USP18: variants seen among roughly 807,000 people sequenced by gnomAD.
USP18 encodes ubl carboxyl-terminal hydrolase 18.
In USP18, 11 loss-of-function variants were observed where a neutral mutation model predicts 48.7. The ratio of observed to expected loss-of-function variants is 0.23; its 90% CI spans 0.14 to 0.37. USP18 has a LOEUF of 0.37. Among genes scored for constraint, USP18 ranks in the 10% least tolerant of loss-of-function variants. USP18 has a pLI of 1.00. For synonymous variants in USP18, 114 were observed against 163.2 expected (o/e 0.70, Z 2.30); for missense variants, 285 against 436.4 (o/e 0.65, Z 3.09).
intron 1 of USP18, among the ~76,000 whole-genome samples, chr22:18,155,689 C>T (rs1052115420): frequency 2.0e-5 from 3 of 152,200 alleles, no homozygotes; most frequent in East Asian, 3.9e-4. Context: ...CTGCTGTGCT[C>T]GATTTCTCGC....
At chr22:18,156,638 C>T (rs1489299630) in intron 1 of USP18, among the ~76,000 whole-genome samples, 3 of 152,162 alleles carry the variant, frequency 2.0e-5, no homozygotes, top group Non-Finnish European at 4.4e-5. Flanking sequence ...GAGGAACGGA[C>T]ATCTCCAGAT....
intron 8 of USP18, among the ~76,000 whole-genome samples, chr22:18,171,839 C>T (rs1929636094): frequency 6.6e-6 from 1 of 152,062 alleles, no homozygotes; most frequent in African/African-American, 2.4e-5. Flanking sequence ...ACAATAGCTC[C>T]TATTATAACA....
intron 1 of USP18, 64 bp from the exon 2 acceptor site, chr22:18,157,494 C>A: frequency 1.2e-6 from 1 of 832,000 alleles, no homozygotes. Context: ...GGCATCAGAA[C>A]GGATTACATG....
chr22:18,162,393 G>A (rs1929357427), intron 4 of USP18, among the ~76,000 whole-genome samples: 2 of 150,026 alleles, frequency 1.3e-5, no homozygotes, highest in African/African-American at 4.9e-5. Flanking sequence ...TATTCACAGA[G>A]TTGTGCCTCC....
At chr22:18,172,426 G>T (rs1929656065) in intron 8 of USP18, among the ~76,000 whole-genome samples, 1 of 152,150 alleles carries the variant, frequency 6.6e-6, no homozygotes, top group African/African-American at 2.4e-5. Flanking sequence ...TGACTGTTGT[G>T]TAATCTATGT....
At chr22:18,165,755 C>T (rs1929457963) in intron 4 of USP18, among the ~76,000 whole-genome samples, 2 of 150,678 alleles carry the variant, frequency 1.3e-5, no homozygotes, top group Non-Finnish European at 1.5e-5. Flanking sequence ...TCGAAACTTC[C>T]ACCCTCTAGG....
rs773440411 is a variant in USP18, at chr22:18,169,876, G to A, written c.660G>A (p.Arg220=). 8 of 1,606,748 alleles carry A rather than the reference G, an allele frequency of 5.0e-6. No homozygotes were observed. In the Admixed American group the frequency reaches 6.7e-5, roughly 14 times the overall value. The change falls in exon 7 of 11, where the codon AGG becomes AGA. Residue 220 remains arginine (R), a synonymous_variant. Transcript: ENST00000215794. The part of the protein sequence containing the change: ...EDALHCFFQP[R]ELSSKSKCFC... ...CCCTGCACTGCTTCTTCCAGCCCAG[G>A]GAGTTATCAAGCAAAAGCAAGTGCT...
chr22:18,163,459 C>A (rs140564305), intron 4 of USP18, among the ~76,000 whole-genome samples: 2 of 151,864 alleles, frequency 1.3e-5, no homozygotes, highest in Non-Finnish European at 2.9e-5. Flanking sequence ...CTGGCTAACA[C>A]GGTGAAACCC....
intron 1 of USP18, among the ~76,000 whole-genome samples, chr22:18,151,597 G>A (rs542600344): frequency 6.6e-6 from 1 of 151,808 alleles, no homozygotes; most frequent in East Asian, 1.9e-4. Flanking sequence ...TTACAAAGGG[G>A]AAAATGCTTA....
At chr22:18,168,491 T>C (rs148210479) in intron 6 of USP18, among the ~76,000 whole-genome samples, 1,773 of 150,650 alleles carry the variant, frequency 0.012, 34 homozygotes, top group African/African-American at 0.04. Flanking sequence ...CCGCCTCTGG[T>C]GTTAAGTGAT....
chr22:18,173,132 G>C lies in USP18; in HGVS notation c.892-18G>C. ...TTTGTGGTGGTGGGTGAACTGTCTCGTGCCTGTCTCTTTCCAGTCTGGAGG... is the reference window on the plus strand; with the variant it reads ...TTTGTGGTGGTGGGTGAACTGTCTCCTGCCTGTCTCTTTCCAGTCTGGAGG... On this transcript the variant is annotated intron_variant, in intron 8 of 10. Coordinates refer to ENST00000215794, the MANE Select transcript of USP18 (RefSeq NM_017414.4). 2 of 1,589,004 alleles carry C rather than the reference G, an allele frequency of 1.3e-6. No homozygotes were observed. Among genetic ancestry groups the C allele is most frequent in the Non-Finnish European group, 1.7e-6 (2 of 1,168,656 alleles).
chr22:18,159,681 T>C (rs990809501), intron 2 of USP18, among the ~76,000 whole-genome samples: 1 of 145,016 alleles, frequency 6.9e-6, no homozygotes, highest in African/African-American at 2.6e-5. Flanking sequence ...GATTTTTTTT[T>C]TTTTTTTTTT....
intron 1 of USP18, among the ~76,000 whole-genome samples, chr22:18,156,653 C>T (rs542524000): frequency 4.0e-4 from 61 of 151,396 alleles, no homozygotes; most frequent in Non-Finnish European, 6.5e-4. Context: ...CCAGATGCGC[C>T]GTATTAGGAG....
chr22:18,153,481 G>A (rs949793624), intron 1 of USP18, among the ~76,000 whole-genome samples: 5 of 151,362 alleles, frequency 3.3e-5, no homozygotes, highest in East Asian at 2.0e-4. Context: ...CTGGAGTGCC[G>A]TGGCACGATC....
intron 8 of USP18, among the ~76,000 whole-genome samples, chr22:18,172,353 A>G (rs1461821295): frequency 1.3e-5 from 2 of 152,198 alleles, no homozygotes; most frequent in Admixed American, 6.5e-5. Context: ...CACTCAAAAG[A>G]TAATCATCTC....
intron 6 of USP18, among the ~76,000 whole-genome samples, chr22:18,168,400 C>A (rs1161399523): frequency 6.6e-6 from 1 of 151,848 alleles, no homozygotes; most frequent in Non-Finnish European, 1.5e-5. Flanking sequence ...TAACCTCCCC[C>A]CCCCCTTTTT....
intron 2 of USP18, 52 bp downstream of exon 2, chr22:18,157,872 C>G (rs767715223): frequency 1.2e-6 from 2 of 1,607,222 alleles, no homozygotes; most frequent in Non-Finnish European, 1.7e-6. Flanking sequence ...AAATGTTCGG[C>G]TCACCCCCTC....
chr22:18,176,178 A>T (rs1190614151), intron 10 of USP18, among the ~76,000 whole-genome samples: 1 of 75,042 alleles, frequency 1.3e-5, no homozygotes, highest in African/African-American at 6.7e-5. Context: ...GCCACTCGGG[A>T]GGCTGAGGAG....
At chr22:18,156,756 C>T (rs748064427) in intron 1 of USP18, among the ~76,000 whole-genome samples, 4 of 151,170 alleles carry the variant, frequency 2.6e-5, no homozygotes, top group Non-Finnish European at 5.9e-5. Context: ...CACATCCGAA[C>T]ATCAGAAGGA....
Sources: allele counts gnomAD v4.1 joint callset (sites outside exome capture counted in the v4.1 genomes callset), GRCh38; gene constraint gnomAD v4.1.1; transcripts MANE v1.5; gene names NCBI Gene and HGNC (gene_info 2026-07-23, HGNC 2026-07-21).